The following PHTF2 variants were observed in gnomAD, a reference collection of about 807,000 sequenced individuals.
The protein encoded by PHTF2 is putative homeodomain transcription factor 2.
In PHTF2, 60 loss-of-function variants were observed where a neutral mutation model predicts 101.2. The observed-to-expected ratio is 0.59, with a 90% CI of 0.48 to 0.73. The LOEUF is 0.73. PHTF2 is among the 30% of genes least tolerant of loss of function. The probability of loss-of-function intolerance (pLI) is 0.00; values close to 1 mark genes in which losing one functional copy is unlikely to be tolerated. For synonymous variants in PHTF2, 311 were observed against 307.3 expected, an observed-to-expected ratio of 1.01 and a Z score of -0.13; for missense variants, 747 against 908.7, an observed-to-expected ratio of 0.82 and a Z score of 2.29.
intron 9 of PHTF2, among the ~76,000 whole-genome samples, chr7:77,917,840 C>G (rs1310783063): frequency 6.6e-6 from 1 of 152,182 alleles, no homozygotes; most frequent in African/African-American, 2.4e-5. Context: ...TTACATTTAG[C>G]ATTTTTCTTT....
intron 16 of PHTF2, among the ~76,000 whole-genome samples, chr7:77,944,392 C>T (rs926510085): frequency 3.3e-5 from 5 of 152,210 alleles, no homozygotes; most frequent in Non-Finnish European, 5.9e-5. Context: ...TTATCTGACT[C>T]TGGATGACAA....
chr7:77,943,156 C>G (rs528300393), intron 16 of PHTF2, among the ~76,000 whole-genome samples: 3 of 152,166 alleles, frequency 2.0e-5, no homozygotes, highest in Non-Finnish European at 4.4e-5. Context: ...GAGTCTCGCT[C>G]TGTCGCGCAG....
chr7:77,926,804 C>CA (rs754671067), intron 11 of PHTF2, among the ~76,000 whole-genome samples: 3,376 of 137,890 alleles, frequency 0.024, 65 homozygotes, highest in Non-Finnish European at 0.034. Flanking sequence ...CTCCATCTCT[C>CA]AAAAAAAAAA....
At chr7:77,818,623 T>G (rs116652428) in intron 1 of PHTF2, among the ~76,000 whole-genome samples, 3,165 of 152,316 alleles carry the variant, frequency 0.021, 91 homozygotes, top group African/African-American at 0.071. Flanking sequence ...TATGTGTCTG[T>G]TTTTATGCCA....
chr7:77,895,278 T>A (rs1800781230), intron 5 of PHTF2: 1 of 359,658 alleles, frequency 2.8e-6, no homozygotes, highest in African/African-American at 2.2e-5. Context: ...TTCTGTTGAA[T>A]GATGAAATAA....
intron 3 of PHTF2, among the ~76,000 whole-genome samples, chr7:77,878,257 ATTGG>A (rs1799113466): frequency 6.6e-6 from 1 of 151,776 alleles, no homozygotes; most frequent in East Asian, 1.9e-4. Context: ...GGAAATGCTG[ATTGG>A]TTGGATCAGG....
At chr7:77,902,654 A>G (rs139688694) in intron 7 of PHTF2, among the ~76,000 whole-genome samples, 2 of 152,254 alleles carry the variant, frequency 1.3e-5, no homozygotes, top group African/African-American at 2.4e-5. Flanking sequence ...TTCATATTCC[A>G]TCACGTGAAC....
At chr7:77,833,515 A>G (rs1795220331) in intron 1 of PHTF2, among the ~76,000 whole-genome samples, 1 of 152,192 alleles carries the variant, frequency 6.6e-6, no homozygotes, top group African/African-American at 2.4e-5. Flanking sequence ...TAATCCCAGC[A>G]CTTGGGGAGG....
chr7:77,871,949 G>A (rs1387107225), intron 3 of PHTF2, among the ~76,000 whole-genome samples: 1 of 152,230 alleles, frequency 6.6e-6, no homozygotes, highest in Non-Finnish European at 1.5e-5. Context: ...CATATCTGGA[G>A]TAAGGGTTTA....
At chr7:77,929,713 A>C (rs982704311) in intron 12 of PHTF2, among the ~76,000 whole-genome samples, 1 of 152,184 alleles carries the variant, frequency 6.6e-6, no homozygotes, top group Non-Finnish European at 1.5e-5. Context: ...TAGTAATGCT[A>C]TCCAATGGAA....
rs532668514 is a variant in PHTF2, at chr7:77,947,562, C to CA, written c.1960-2108dup. 1.2e-4 allele frequency among the ~76,000 whole-genome samples: 18 copies of CA among 150,506 alleles called. No homozygotes were observed. The East Asian group carries it at 3.5e-3, about 29-fold the overall frequency. On this transcript the variant is annotated intron_variant, in intron 16 of 19. Coordinates refer to ENST00000416283, the Ensembl canonical transcript of PHTF2. ...TGGGCGACAGAGTGAGACTCAGTCT[C>CA]AAAAAAAATTAAAAAAAGAAGGTAT...
intron 18 of PHTF2, among the ~76,000 whole-genome samples, chr7:77,951,924 TTAA>T (rs1181131034): frequency 5.9e-5 from 9 of 152,222 alleles, no homozygotes; most frequent in Non-Finnish European, 8.8e-5. Flanking sequence ...AAATTGTATA[TTAA>T]TAATAATATG....
At chr7:77,924,144 A>C in intron 11 of PHTF2, 1 of 957,980 alleles carries the variant, frequency 1.0e-6, no homozygotes, top group Non-Finnish European at 1.2e-6. Flanking sequence ...AAAAAAAAGC[A>C]AAATAAAGCC....
At chr7:77,812,149 A>T (rs1196867326) in intron 1 of PHTF2, among the ~76,000 whole-genome samples, 1 of 152,212 alleles carries the variant, frequency 6.6e-6, no homozygotes, top group Admixed American at 6.5e-5. Context: ...ATGTTATATG[A>T]AGAACAGGTG....
chr7:77,834,312 CAAAA>C (rs34947684), intron 1 of PHTF2, among the ~76,000 whole-genome samples: 38 of 89,094 alleles, frequency 4.3e-4, no homozygotes, highest in African/African-American at 9.1e-4. Flanking sequence ...GACCTTGTCT[CAAAA>C]AAAAAAAAAA....
At chr7:77,890,919 TTTTTTTTG>T in intron 3 of PHTF2, among the ~76,000 whole-genome samples, 1 of 139,442 alleles carries the variant, frequency 7.2e-6, no homozygotes. Flanking sequence ...TTTTTTTTTT[TTTTTTTTG>T]AGACAGCATC....
At chr7:77,940,871 T>G (rs548516745) in intron 15 of PHTF2, among the ~76,000 whole-genome samples, 1 of 152,312 alleles carries the variant, frequency 6.6e-6, no homozygotes, top group South Asian at 2.1e-4. Context: ...AAATAACCAA[T>G]GAGTTTCCTC....
At chr7:77,893,811 CAT>C (rs1228836909) in intron 4 of PHTF2, 147 bp downstream of exon 3, 2 of 623,550 alleles carry the variant, frequency 3.2e-6, no homozygotes, top group African/African-American at 3.7e-5. Flanking sequence ...CTTTATTTAC[CAT>C]AGTCACGTTT....
At position 77,859,977 on chromosome 7, in the gene PHTF2, C is replaced by T. The variant is rs1294230489; in HGVS notation, c.147+5143C>T. ...TAAATAGATATTTGGGTTGTTTAAC[C>T]TAACAGTTATGAGGTTTCCTTTCTT... is the stretch of plus-strand genomic sequence containing the variant. On this transcript the variant is annotated intron_variant, in intron 3 of 19. Coordinates refer to ENST00000416283, the Ensembl canonical transcript of PHTF2. Among the ~76,000 whole-genome samples the T allele has an allele frequency of 2.0e-5, 3 of 152,246 alleles. No homozygotes were observed. The East Asian group carries it at 5.8e-4, about 29-fold the overall frequency.
Sources: allele counts gnomAD v4.1 joint callset (sites outside exome capture counted in the v4.1 genomes callset), GRCh38; gene constraint gnomAD v4.1.1; transcripts MANE v1.5; gene names NCBI Gene and HGNC (gene_info 2026-07-23, HGNC 2026-07-21).